Variants in FAF1 observed in about 807,000 individuals in gnomAD.
The protein encoded by FAF1 is FAS-associated factor 1.
A neutral mutation model predicts 92.5 loss-of-function variants in FAF1; 25 were observed. The ratio of observed to expected loss-of-function variants is 0.27; its 90% confidence interval spans 0.20 to 0.38. The LOEUF (loss-of-function observed/expected upper bound fraction) is 0.38. Among genes scored for constraint, FAF1 ranks in the 10% least tolerant of loss-of-function variants. The pLI is 1.00. For synonymous variants in FAF1, 234 were observed against 273.2 expected (o/e 0.86, Z 1.42); for missense variants, 636 against 793.3 (o/e 0.80, Z 2.38).
At chr1:50,692,241 C>CTGTGTGTGTGTGTGTGTGTGTGTGTGTG (rs59187392) in intron 7 of FAF1, among the ~76,000 whole-genome samples, 1 of 129,002 alleles carries the variant, frequency 7.8e-6, no homozygotes, top group Non-Finnish European at 1.6e-5. Flanking sequence ...GAAGTATTTA[C>CTGTGTGTGTGTGTGTGTGTGTGTGTGTG]TGTGTGTGTG....
chr1:50,521,464 G>A (rs772180604), intron 15 of FAF1, among the ~76,000 whole-genome samples: 2 of 152,168 alleles, frequency 1.3e-5, no homozygotes, highest in Non-Finnish European at 2.9e-5. Flanking sequence ...GTGCCTGTCA[G>A]GTTTAAGACA....
intron 13 of FAF1, among the ~76,000 whole-genome samples, chr1:50,541,425 T>A (rs972670401): frequency 2.0e-5 from 3 of 152,176 alleles, no homozygotes; most frequent in Non-Finnish European, 4.4e-5. Context: ...TAACCTTCTA[T>A]GCCAAATTTC....
chr1:50,535,414 T>C lies in FAF1; in HGVS notation c.1449A>G (p.Ala483=), dbSNP rs1648422683. 1 of 1,612,272 alleles carries C rather than the reference T, an allele frequency of 6.2e-7. No homozygotes were observed. The highest frequency in any genetic ancestry group is 8.5e-7 in the Non-Finnish European group (1 of 1,179,002). The change falls in exon 15 of 19, where the codon GCA becomes GCG. Residue 483 remains alanine (A), a synonymous_variant. Coordinates refer to ENST00000396153, the MANE Select transcript of FAF1 (RefSeq NM_007051.3). The part of the protein sequence containing the change: ...VDELMMRLMA[A]MEIFTAQQQE... ...GTTGTTGGGCTGTGAAGATCTCCAT[T>C]GCAGCCATGAGTCTCATCATTAACT...
intron 8 of FAF1, among the ~76,000 whole-genome samples, chr1:50,645,684 G>A (rs1162007335): frequency 2.0e-5 from 3 of 152,040 alleles, no homozygotes; most frequent in Non-Finnish European, 2.9e-5. Flanking sequence ...TTAGCCAGGC[G>A]TGGTGGCACC....
chr1:50,510,166 A>C (rs199723667), intron 15 of FAF1, among the ~76,000 whole-genome samples: 2 of 126,440 alleles, frequency 1.6e-5, no homozygotes, highest in Admixed American at 9.1e-5. Context: ...ACTCTGTCTC[A>C]AAAAAAAAAA....
intron 1 of FAF1, among the ~76,000 whole-genome samples, chr1:50,919,709 G>A (rs1204771092): frequency 1.3e-5 from 2 of 151,992 alleles, no homozygotes; most frequent in African/African-American, 2.4e-5. Context: ...GGATGGTCTC[G>A]AACTCCTGAC....
intron 1 of FAF1, among the ~76,000 whole-genome samples, chr1:50,885,326 T>A (rs563368917): frequency 1.7e-3 from 227 of 131,694 alleles, no homozygotes; most frequent in African/African-American, 4.8e-3. Context: ...ACACACACAC[T>A]CTCTCTCTCT....
chr1:50,685,431 TA>T (rs1656615622), intron 7 of FAF1, among the ~76,000 whole-genome samples: 1 of 152,100 alleles, frequency 6.6e-6, no homozygotes, highest in African/African-American at 2.4e-5. Flanking sequence ...TAGTATATAG[TA>T]TAGTATAGTT....
chr1:50,959,918 AG>A lies in FAF1; in HGVS notation c.-108del, dbSNP rs1198802607. On this transcript the variant is annotated 5_prime_UTR_variant, in exon 1 of 19. Transcript: ENST00000396153. Reference sequence around the variant, plus strand: ...CCGCCGCCGCCGCCGCCGGGCGCCGAGGGGCTGGCGGGCGAGCCGGCGGGCG... The same window carrying A: ...CCGCCGCCGCCGCCGCCGGGCGCCGAGGGCTGGCGGGCGAGCCGGCGGGCG... The A allele has an allele frequency of 1.9e-5, 13 of 686,482 alleles. No homozygotes were observed. The highest frequency in any genetic ancestry group is 5.5e-5 in the Admixed American group (1 of 18,258). The allele number at this position is 686,482 out of a possible 1,614,324, so 42.5% of individuals were successfully genotyped here.
intron 6 of FAF1, among the ~76,000 whole-genome samples, chr1:50,736,014 C>T (rs768392671): frequency 3.3e-5 from 5 of 152,008 alleles, no homozygotes; most frequent in Admixed American, 6.6e-5. Flanking sequence ...CTACGGTGCC[C>T]GGCCAACATG....
At chr1:50,826,658 A>T (rs1199454852) in intron 2 of FAF1, among the ~76,000 whole-genome samples, 1 of 152,152 alleles carries the variant, frequency 6.6e-6, no homozygotes, top group Non-Finnish European at 1.5e-5. Flanking sequence ...ATTAGAAATA[A>T]AAGAGGAAAG....
In FAF1 at chr1:50,539,718, T is replaced by C. The variant is rs757791570; in HGVS notation, c.1279A>G (p.Met427Val). Residue 427 changes from methionine (M) to valine (V), a missense_variant, in exon 14 of 19, where the codon ATG (methionine) becomes GTG (valine). Coordinates refer to ENST00000396153, the MANE Select transcript of FAF1 (RefSeq NM_007051.3). ...KDSNRARFLT[M>V]CNRHFGSVVA... ...ACACTGCCAAAGTGTCTATTGCACA[T>C]AGTGAGAAATCTAAAAGGAGACAAA... is the stretch of plus-strand genomic sequence containing the variant. The C allele has an allele frequency of 7.5e-6, 12 of 1,610,368 alleles. No homozygotes were observed. In the South Asian group the frequency reaches 1.3e-4, roughly 18 times the overall value.
At chr1:50,850,430 C>T (rs1026261146) in intron 2 of FAF1, among the ~76,000 whole-genome samples, 1 of 152,030 alleles carries the variant, frequency 6.6e-6, no homozygotes, top group East Asian at 1.9e-4. Flanking sequence ...GATGTATGTA[C>T]ACAAAGATTA....
At chr1:50,734,881 CATATTTAG>C in intron 6 of FAF1, among the ~76,000 whole-genome samples, 1 of 152,198 alleles carries the variant, frequency 6.6e-6, no homozygotes, top group Non-Finnish European at 1.5e-5. Context: ...GTTATCTATA[CATATTTAG>C]AAATTGAAGA....
chr1:50,944,275 G>C (rs988569394), intron 1 of FAF1, among the ~76,000 whole-genome samples: 1 of 152,234 alleles, frequency 6.6e-6, no homozygotes, highest in Non-Finnish European at 1.5e-5. Flanking sequence ...GGCAGACCCA[G>C]CAGTCAGCTA....
chr1:50,637,138 T>C (rs910747990), intron 8 of FAF1, among the ~76,000 whole-genome samples: 15 of 151,916 alleles, frequency 9.9e-5, no homozygotes, highest in African/African-American at 3.6e-4. Context: ...TTTTGTTCTT[T>C]TTGAAAACTA....
intron 5 of FAF1, among the ~76,000 whole-genome samples, chr1:50,743,377 G>C (rs2124493848): frequency 6.6e-6 from 1 of 152,242 alleles, no homozygotes; most frequent in Middle Eastern, 3.4e-3. Flanking sequence ...GCCCAGGCTA[G>C]AGTACAGTGG....
rs1179665405 is a variant in FAF1, at chr1:50,479,465, A to G, written c.1654-3786T>C. ...ACTCAGTGACAAGTGCTGAGCATTG[A>G]TCCTCATGCTATATGTAATACTGTG... On this transcript the variant is annotated intron_variant, in intron 17 of 18. Transcript: ENST00000396153. Among the ~76,000 whole-genome samples, 4 of 152,214 alleles carry G rather than the reference A, an allele frequency of 2.6e-5. No homozygotes were observed. The East Asian group carries it at 7.7e-4, about 29-fold the overall frequency.
At chr1:50,571,998 G>C (rs934229090) in intron 12 of FAF1, among the ~76,000 whole-genome samples, 2 of 152,022 alleles carry the variant, frequency 1.3e-5, no homozygotes, top group Admixed American at 1.3e-4. Flanking sequence ...GTTTTTTTCA[G>C]TGTTAAAACT....
Sources: gnomAD v4.1 joint callset for allele counts (sites outside exome capture counted in the v4.1 genomes callset) on GRCh38, gnomAD v4.1.1 for gene constraint, MANE v1.5 for transcripts, NCBI Gene and HGNC (gene_info 2026-07-23, HGNC 2026-07-21) for gene names.